Variants in RBPJ observed in about 807,000 individuals in gnomAD.
RBPJ encodes the protein recombination signal binding protein for immunoglobulin kappa J region.
A neutral mutation model predicts 67.8 loss-of-function variants in RBPJ; 9 were observed. The ratio of observed to expected loss-of-function variants is 0.13; its 90% CI spans 0.08 to 0.23. The LOEUF (loss-of-function observed/expected upper bound fraction) is 0.23. Among genes scored for constraint, RBPJ ranks in the 10% least tolerant of loss-of-function variants. The pLI is 1.00. For missense variants in RBPJ, 305 were observed against 595.6 expected, an observed-to-expected ratio of 0.51 and a Z score of 5.08; for synonymous variants, 198 against 203.3, an observed-to-expected ratio of 0.97 and a Z score of 0.22.
At chr4:26,159,455 T>C (rs1716038155), upstream of RBPJ, among the ~76,000 whole-genome samples, 2 of 152,186 alleles carry the variant, frequency 1.3e-5, no homozygotes, top group Admixed American at 1.3e-4. Context: ...CACAGCCTTC[T>C]CCAGCTACCA....
At chr4:26,144,343 T>C in the RBPJ span, among the ~76,000 whole-genome samples, 36 of 143,454 alleles carry the variant, frequency 2.5e-4, no homozygotes, top group South Asian at 7.7e-3. Flanking sequence ...CAGTTTTGGC[T>C]CACTGCAACC....
At chr4:26,417,190 T>C (rs1236547771) in intron 4 of RBPJ, among the ~76,000 whole-genome samples, 1 of 152,222 alleles carries the variant, frequency 6.6e-6, no homozygotes, top group African/African-American at 2.4e-5. Flanking sequence ...TAGCTACCTG[T>C]GTGTATAACT....
chr4:26,297,380 G>C (rs1721914381), intron 1 of RBPJ, among the ~76,000 whole-genome samples: 1 of 151,732 alleles, frequency 6.6e-6, no homozygotes, highest in Non-Finnish European at 1.5e-5. Flanking sequence ...GAGAGAGAGA[G>C]AGAGAGACAG....
intron 1 of RBPJ, among the ~76,000 whole-genome samples, chr4:26,235,552 G>T (rs1719428040): frequency 6.6e-6 from 1 of 152,114 alleles, no homozygotes; most frequent in Non-Finnish European, 1.5e-5. Context: ...GATCATCTTT[G>T]GTGATGCAAT....
intron 1 of RBPJ, among the ~76,000 whole-genome samples, chr4:26,191,191 A>T (rs1393230150): frequency 1.1e-4 from 2 of 18,670 alleles, no homozygotes; most frequent in African/African-American, 3.8e-4. Flanking sequence ...ATATATATAT[A>T]TATATATATA....
At chr4:26,174,968 G>C (rs1001232036) in intron 1 of RBPJ, among the ~76,000 whole-genome samples, 1 of 152,124 alleles carries the variant, frequency 6.6e-6, no homozygotes, top group African/African-American at 2.4e-5. Flanking sequence ...TAGTAAACAA[G>C]AGAAGGGAAA....
At chr4:26,426,985 G>A (rs961065038) in intron 7 of RBPJ, among the ~76,000 whole-genome samples, 10 of 152,174 alleles carry the variant, frequency 6.6e-5, no homozygotes, top group African/African-American at 1.9e-4. Flanking sequence ...AACGGGGCAC[G>A]ATGGCCTATT....
At chr4:26,231,713 AT>A (rs1198343393) in intron 1 of RBPJ, among the ~76,000 whole-genome samples, 1 of 150,760 alleles carries the variant, frequency 6.6e-6, no homozygotes, top group Non-Finnish European at 1.5e-5. Context: ...CGCCCAGCCT[AT>A]TTTTTTGTAT....
At chr4:26,154,751 G>A in the RBPJ span, among the ~76,000 whole-genome samples, 1 of 152,222 alleles carries the variant, frequency 6.6e-6, no homozygotes, top group East Asian at 1.9e-4. Flanking sequence ...GCCTAAGGAA[G>A]CTTATAATCA....
chr4:26,212,073 C>T (rs1718444187), intron 1 of RBPJ, among the ~76,000 whole-genome samples: 2 of 152,070 alleles, frequency 1.3e-5, no homozygotes, highest in Admixed American at 1.3e-4. Flanking sequence ...CTGCTGATGC[C>T]CTGATCTCAG....
intron 1 of RBPJ, chr4:26,384,641 T>A (rs1730627144): frequency 6.6e-6 from 1 of 152,218 alleles, no homozygotes; most frequent in Admixed American, 6.5e-5. Flanking sequence ...TTATTCTCCA[T>A]ATACTTATTT....
At chr4:26,349,814 C>T (rs1216890514) in intron 1 of RBPJ, among the ~76,000 whole-genome samples, 1 of 152,220 alleles carries the variant, frequency 6.6e-6, no homozygotes, top group African/African-American at 2.4e-5. Flanking sequence ...CTGTCTATTA[C>T]ATCGGCAGTA....
intron 1 of RBPJ, among the ~76,000 whole-genome samples, chr4:26,222,216 G>A (rs566603362): frequency 1.4e-4 from 22 of 152,284 alleles, no homozygotes; most frequent in Non-Finnish European, 2.1e-4. Flanking sequence ...ATTTCAGGCC[G>A]GGCACGGTGG....
chr4:26,115,977 T>A, the RBPJ span, among the ~76,000 whole-genome samples: 8 of 152,240 alleles, frequency 5.3e-5, no homozygotes, highest in South Asian at 4.2e-4. Flanking sequence ...AGTCTTTAAC[T>A]TCCTATTTAA....
the RBPJ span, among the ~76,000 whole-genome samples, chr4:26,127,842 C>T: frequency 6.6e-6 from 1 of 152,178 alleles, no homozygotes; most frequent in Non-Finnish European, 1.5e-5. Flanking sequence ...CCCAGCCACC[C>T]CATGTACTCA....
intron 2 of RBPJ, among the ~76,000 whole-genome samples, chr4:26,401,911 G>T (rs867474589): frequency 4.8e-5 from 7 of 146,594 alleles, no homozygotes; most frequent in Middle Eastern, 3.5e-3. Flanking sequence ...TTTTTGAGAG[G>T]GAGTTTCACT....
At position 26,431,200 on chromosome 4, in the gene RBPJ, A is replaced by C; in HGVS notation, c.*193A>C. ...AAGCCACAGTAAAAAAAAAAAAAAAAAAAAAAAAAAAGAAAAAAAAATCAA... is the reference window on the plus strand; with the variant it reads ...AAGCCACAGTAAAAAAAAAAAAAAACAAAAAAAAAAAGAAAAAAAAATCAA... On this transcript the variant is annotated 3_prime_UTR_variant, in exon 11 of 11. Coordinates refer to ENST00000355476, the MANE Select transcript of RBPJ (RefSeq NM_015874.6). 5 of 373,328 alleles carry C rather than the reference A, an allele frequency of 1.3e-5. No individual in the cohort carries two copies. In the East Asian group the frequency reaches 1.6e-4, roughly 12 times the overall value. 23.1% of individuals were successfully genotyped at this position (373,328 alleles called of 1,614,324 possible). A position where few individuals can be genotyped will look rare whatever the true frequency, so the allele number is the denominator to read the frequency against.
intron 1 of RBPJ, among the ~76,000 whole-genome samples, chr4:26,268,807 T>C (rs530104393): frequency 3.0e-4 from 45 of 152,262 alleles, no homozygotes; most frequent in African/African-American, 9.9e-4. Flanking sequence ...CAAGTCCACT[T>C]CATCATTCAC....
At chr4:26,364,603 T>A (rs1227530081) in intron 1 of RBPJ, among the ~76,000 whole-genome samples, 1 of 151,558 alleles carries the variant, frequency 6.6e-6, no homozygotes, top group African/African-American at 2.4e-5. Flanking sequence ...GAAGACTTTT[T>A]TTTTTTTTTC....
Sources: gnomAD v4.1 joint callset for allele counts (sites outside exome capture counted in the v4.1 genomes callset) on GRCh38, gnomAD v4.1.1 for gene constraint, MANE v1.5 for transcripts, NCBI Gene and HGNC (gene_info 2026-07-23, HGNC 2026-07-21) for gene names.